The following KAZN variants were observed in gnomAD, a reference collection of about 807,000 sequenced individuals.
The protein encoded by KAZN is kazrin, periplakin interacting protein, also known as kazrin.
Under a neutral mutation model 87.4 loss-of-function variants are expected in KAZN, and 40 were observed. The observed-to-expected ratio is 0.46, with a 90% CI of 0.36 to 0.60. KAZN has a LOEUF of 0.60. KAZN is among the 20% of genes least tolerant of loss of function. The pLI is 0.00. For synonymous variants in KAZN, 466 were observed against 458.3 expected (o/e 1.02, Z -0.22); for missense variants, 898 against 1,073.9 (o/e 0.84, Z 2.29).
At chr1:14,302,844 G>T (rs1251007416) in intron 2 of KAZN, among the ~76,000 whole-genome samples, 1 of 152,132 alleles carries the variant, frequency 6.6e-6, no homozygotes, top group Non-Finnish European at 1.5e-5. Context: ...CCCTTGCCTT[G>T]TTTTGTTTAA....
At position 14,177,618 on chromosome 1, in the gene KAZN, C is replaced by T. The variant is rs568480305; in HGVS notation, c.92-2817C>T. On this transcript the variant is annotated intron_variant, in intron 1 of 16. Transcript: ENST00000636203. ...TTTATCTCCTGGTTTGCATAGATTC[C>T]GATGAGAAGGCTGACATTGTTTTTT... Among the ~76,000 whole-genome samples, 347 of 152,194 alleles carry T rather than the reference C, an allele frequency of 2.3e-3. 1 individual carries two copies. Among genetic ancestry groups the T allele is most frequent in the Non-Finnish European group, 4.1e-3 (278 of 67,996 alleles).
At chr1:14,478,315 A>C (rs1668884939) in intron 2 of KAZN, among the ~76,000 whole-genome samples, 5 of 149,332 alleles carry the variant, frequency 3.3e-5, no homozygotes, top group Admixed American at 2.7e-4. Flanking sequence ...ATATGGATGG[A>C]TAGAAGGAAG....
intron 2 of KAZN, among the ~76,000 whole-genome samples, chr1:14,325,178 T>C (rs923371259): frequency 2.1e-5 from 3 of 141,718 alleles, no homozygotes; most frequent in African/African-American, 9.3e-5. Flanking sequence ...GTGCTCTCCC[T>C]CTCTCTCTCT....
At chr1:14,690,748 C>T in intron 1 of KAZN, among the ~76,000 whole-genome samples, 1 of 152,182 alleles carries the variant, frequency 6.6e-6, no homozygotes, top group East Asian at 1.9e-4. Context: ...AGATAGACCT[C>T]TAATATCCAT....
At chr1:14,132,080 A>G (rs1394811413) in intron 1 of KAZN, among the ~76,000 whole-genome samples, 2 of 152,160 alleles carry the variant, frequency 1.3e-5, no homozygotes, top group African/African-American at 4.8e-5. Flanking sequence ...TAAAAGATAT[A>G]TAATGAAACT....
At chr1:15,076,613 C>T (rs921691589) in intron 8 of KAZN, among the ~76,000 whole-genome samples, 1 of 152,204 alleles carries the variant, frequency 6.6e-6, no homozygotes, top group East Asian at 1.9e-4. Context: ...GAACCCAGGC[C>T]CTGAGTCTGG....
At chr1:14,549,227 C>G (rs527680396) in intron 2 of KAZN, among the ~76,000 whole-genome samples, 1 of 152,280 alleles carries the variant, frequency 6.6e-6, no homozygotes, top group East Asian at 1.9e-4. Context: ...TCTGACAACA[C>G]CAGCTGCCTA....
At chr1:15,091,807 T>C (rs1396854737) in intron 8 of KAZN, among the ~76,000 whole-genome samples, 1 of 152,184 alleles carries the variant, frequency 6.6e-6, no homozygotes, top group East Asian at 1.9e-4. Context: ...TTTCCAAAGT[T>C]TTTATTACAA....
intron 2 of KAZN, among the ~76,000 whole-genome samples, chr1:14,380,601 T>C (rs956266687): frequency 1.3e-5 from 2 of 152,140 alleles, no homozygotes; most frequent in African/African-American, 4.8e-5. Flanking sequence ...AGTTTTTTAA[T>C]AGCAGAATTG....
At chr1:14,102,855 G>C (rs1226154530) in intron 1 of KAZN, among the ~76,000 whole-genome samples, 1 of 151,820 alleles carries the variant, frequency 6.6e-6, no homozygotes, top group Non-Finnish European at 1.5e-5. Context: ...TGAGGCCTCT[G>C]TCTTCCCTGT....
chr1:14,883,341 A>AGGGAGGGAGGGAGGGAGGGAGGGAGG (rs1653582981), intron 1 of KAZN, among the ~76,000 whole-genome samples: 1 of 29,542 alleles, frequency 3.4e-5, no homozygotes, highest in Admixed American at 4.8e-4. Flanking sequence ...AGAGAGAGAG[A>AGGGAGGGAGGGAGGGAGGGAGGGAGG]GAAAGAAAGA....
At chr1:14,636,648 G>A (rs1472455291) in intron 1 of KAZN, among the ~76,000 whole-genome samples, 1 of 151,822 alleles carries the variant, frequency 6.6e-6, no homozygotes, top group Non-Finnish European at 1.5e-5. Context: ...CAGGGAAACT[G>A]AGGCAGCCTG....
chr1:14,427,574 T>C (rs1283521703), intron 2 of KAZN, among the ~76,000 whole-genome samples: 2 of 150,986 alleles, frequency 1.3e-5, no homozygotes, highest in African/African-American at 2.4e-5. Context: ...AAGGTACATA[T>C]GTGTACACAT....
At chr1:14,873,916 A>G (rs1652461400) in intron 1 of KAZN, among the ~76,000 whole-genome samples, 1 of 152,178 alleles carries the variant, frequency 6.6e-6, no homozygotes, top group African/African-American at 2.4e-5. Context: ...GAAGTCCAGA[A>G]TGATTCCAGA....
chr1:14,815,693 A>G (rs1308676275), intron 1 of KAZN, among the ~76,000 whole-genome samples: 2 of 152,106 alleles, frequency 1.3e-5, no homozygotes, highest in African/African-American at 4.8e-5. Flanking sequence ...GTGCCCACAA[A>G]CCTGGGAACT....
rs201044742 is a variant in KAZN, at chr1:14,671,348, G to C, written c.226+72125G>C. On this transcript the variant is annotated intron_variant, in intron 1 of 14. Coordinates refer to ENST00000376030, the MANE Select transcript of KAZN (RefSeq NM_201628.3). The stretch of plus-strand genomic sequence containing the variant: ...CAAGAACAGTGCCTGGCACATAGTA[G>C]GTGCTCAGTAAATAGTAAATGAATG... Among the ~76,000 whole-genome samples the C allele has an allele frequency of 3.5e-4, 54 of 152,340 alleles. No homozygotes were observed. The East Asian group carries it at 7.1e-3, about 20-fold the overall frequency.
chr1:14,835,112 G>A (rs374414956), intron 1 of KAZN, among the ~76,000 whole-genome samples: 6 of 152,182 alleles, frequency 3.9e-5, no homozygotes, highest in African/African-American at 7.2e-5. Flanking sequence ...TGCCCATCCC[G>A]CCAGCGGGAT....
At chr1:13,900,163 C>G (rs1639195432) in intron 1 of KAZN, among the ~76,000 whole-genome samples, 2 of 150,844 alleles carry the variant, frequency 1.3e-5, no homozygotes, top group South Asian at 4.2e-4. Flanking sequence ...TCAAGTTTGC[C>G]TCGACCTGGA....
At chr1:14,014,891 G>C (rs1236290982) in intron 1 of KAZN, among the ~76,000 whole-genome samples, 4 of 152,138 alleles carry the variant, frequency 2.6e-5, no homozygotes, top group African/African-American at 7.2e-5. Flanking sequence ...TTTTTTGCTG[G>C]TAAGGAAATG....
Sources: allele counts gnomAD v4.1 joint callset (sites outside exome capture counted in the v4.1 genomes callset), GRCh38; gene constraint gnomAD v4.1.1; transcripts MANE v1.5; gene names NCBI Gene and HGNC (gene_info 2026-07-23, HGNC 2026-07-21).